SPACA1: variants seen among roughly 807,000 people sequenced by gnomAD.
The protein encoded by SPACA1 is sperm acrosome associated 1, also known as sperm acrosome membrane-associated protein 1.
A neutral mutation model predicts 32.6 loss-of-function variants in SPACA1; 17 were observed. That is an observed-to-expected ratio of 0.52 (90% confidence interval 0.36 to 0.78). The LOEUF (loss-of-function observed/expected upper bound fraction) is 0.78, where lower values mean the gene tolerates loss of function less well. Among genes scored for constraint, SPACA1 ranks in the 30% least tolerant of loss-of-function variants. The pLI, the probability that SPACA1 is intolerant of heterozygous loss-of-function variation, is 0.01. For missense variants in SPACA1, 363 were observed against 373.4 expected (o/e 0.97, Z 0.23); for synonymous variants, 140 against 138.1 (o/e 1.01, Z -0.10).
rs1418750668 is a variant in SPACA1 at position 88,048,000 on chromosome 6, T to C, written c.95T>C (p.Val32Ala). The C allele has an allele frequency of 6.3e-7, 1 of 1,583,490 alleles. No individual in the cohort carries two copies. The highest frequency in any genetic ancestry group is 1.9e-5 in the Admixed American group (1 of 53,726). The change falls in exon 1 of 7, where the codon GTC (valine) becomes GCC (alanine). Residue 32 changes from valine (V) to alanine (A), a missense_variant. Physicochemically the swap from Val to Ala is moderately conservative, Grantham distance 64. Coordinates refer to ENST00000237201, the MANE Select transcript of SPACA1 (RefSeq NM_030960.3). ...AGLQSARGTNVTAAVQDAGLA... is the reference protein window; with the variant it reads ...AGLQSARGTNATAAVQDAGLA... ...CTCCAGTCCGCGCGCGGGACCAACG[T>C]CACCGCTGCCGTCCAGGATGCCGGC...
At chr6:88,051,195 C>G (rs1163603633) in intron 1 of SPACA1, among the ~76,000 whole-genome samples, 5 of 151,618 alleles carry the variant, frequency 3.3e-5, no homozygotes, top group African/African-American at 1.2e-4. Context: ...TTTGTTATAC[C>G]TTGTATACCA....
At chr6:88,052,228 T>C (rs978513149) in intron 1 of SPACA1, among the ~76,000 whole-genome samples, 10 of 152,194 alleles carry the variant, frequency 6.6e-5, no homozygotes, top group Non-Finnish European at 1.5e-4. Context: ...GTCTCATTTT[T>C]TTTTTCTTTA....
chr6:88,061,432 GCACACACACA>G (rs71554769), intron 5 of SPACA1, among the ~76,000 whole-genome samples: 1 of 150,036 alleles, frequency 6.7e-6, no homozygotes, highest in Non-Finnish European at 1.5e-5. Context: ...ATGCTTGTGC[GCACACACACA>G]CACACACACA....
rs746820213 is a variant in SPACA1, at chr6:88,058,781, A to T, written c.433A>T (p.Asn145Tyr). The T allele has an allele frequency of 3.1e-6, 5 of 1,613,806 alleles. No individual in the cohort carries two copies. The highest frequency in any genetic ancestry group is 4.2e-6 in the Non-Finnish European group (5 of 1,179,810). ...RLACIHTSPL[N>Y]RFKYMWKLLR... ...GGCATGTATTCACACATCTCCCTTA[A>T]ATCGTTTCAAATATATGTGGAAACT... Residue 145 changes from asparagine to tyrosine, a missense_variant, in exon 4 of 7, where the codon AAT becomes TAT. Asn to Tyr is a moderately radical substitution (Grantham distance 143). Transcript: ENST00000237201.
At chr6:88,052,415 G>T (rs1182466496) in intron 1 of SPACA1, among the ~76,000 whole-genome samples, 2 of 152,114 alleles carry the variant, frequency 1.3e-5, no homozygotes, top group African/African-American at 4.8e-5. Context: ...TCTGTAGAAG[G>T]TATCTAAGCA....
chr6:88,065,579 A>G (rs1404894727), intron 6 of SPACA1, among the ~76,000 whole-genome samples: 1 of 150,638 alleles, frequency 6.6e-6, no homozygotes, highest in Non-Finnish European at 1.5e-5. Context: ...CATCATCACA[A>G]TGAATTGTCT....
Position 88,047,877 on chromosome 6 carries a change from G to A in SPACA1, c.-29G>A, listed in dbSNP as rs1352722702. The A allele has an allele frequency of 4.0e-6, 6 of 1,509,862 alleles. No homozygotes were observed. Among genetic ancestry groups the A allele is most frequent in the Non-Finnish European group, 4.4e-6 (5 of 1,126,488 alleles). The allele number at this position is 1,509,862 out of a possible 1,614,324, so 93.5% of individuals were successfully genotyped here. Reference sequence around the variant, plus strand: ...CCTCAGGAGCCGCGGCGGCGACTGCGCCTCGGACGGCCGTCGGGGCCGAGA... The same window carrying A: ...CCTCAGGAGCCGCGGCGGCGACTGCACCTCGGACGGCCGTCGGGGCCGAGA... On this transcript the variant is annotated 5_prime_UTR_variant, in exon 1 of 7. Transcript: ENST00000237201.
chr6:88,056,583 A>G (rs1175921095), intron 2 of SPACA1, among the ~76,000 whole-genome samples: 1 of 152,200 alleles, frequency 6.6e-6, no homozygotes, highest in Non-Finnish European at 1.5e-5. Flanking sequence ...CAAAATTTGC[A>G]TTTTAGTAAA....
chr6:88,058,971 A>G, intron 4 of SPACA1, 149 bp downstream of exon 4: 1 of 564,604 alleles, frequency 1.8e-6, no homozygotes, highest in Non-Finnish European at 3.0e-6. Context: ...TTGGAATTTT[A>G]AAATTTTCAT....
At chr6:88,059,343 A>G in intron 4 of SPACA1, 110 bp from the exon 5 acceptor site, 2 of 959,356 alleles carry the variant, frequency 2.1e-6, no homozygotes, top group Non-Finnish European at 3.0e-6. Flanking sequence ...TAATTACTCA[A>G]CTAGGCTAAG....
In SPACA1 at chr6:88,057,558, A is replaced by G. The variant is rs895628380; in HGVS notation, c.266-54A>G. 5 of 1,223,708 alleles carry G rather than the reference A, an allele frequency of 4.1e-6. No individual in the cohort carries two copies. The African/African-American group carries it at 7.5e-5, about 18-fold the overall frequency. The allele number at this position is 1,223,708 out of a possible 1,614,324, so 75.8% of individuals were successfully genotyped here. A position where few individuals can be genotyped will look rare whatever the true frequency, so the allele number is the denominator to read the frequency against. ...AAGACCTAGGTGGGAAAGTGAAGAC[A>G]CTCTGGAATCAGTTTTTTTCTTAAC... is the stretch of plus-strand genomic sequence containing the variant. On this transcript the variant is annotated intron_variant, in intron 2 of 6. Transcript: ENST00000237201.
intron 2 of SPACA1, among the ~76,000 whole-genome samples, chr6:88,056,138 C>G (rs1251552367): frequency 6.6e-6 from 1 of 152,052 alleles, no homozygotes; most frequent in Non-Finnish European, 1.5e-5. Flanking sequence ...GGCGGATCAC[C>G]AGGTCAGGAG....
chr6:88,064,689 C>T (rs563714267), intron 6 of SPACA1, among the ~76,000 whole-genome samples: 1 of 150,602 alleles, frequency 6.6e-6, no homozygotes, highest in South Asian at 2.1e-4. Context: ...ATAATGAATA[C>T]AAAGGCACTT....
chr6:88,049,793 C>T (rs1775702101), intron 1 of SPACA1, among the ~76,000 whole-genome samples: 1 of 152,114 alleles, frequency 6.6e-6, no homozygotes, highest in African/African-American at 2.4e-5. Flanking sequence ...TTGAATGCAA[C>T]TAAGTGCTCA....
intron 5 of SPACA1, among the ~76,000 whole-genome samples, chr6:88,060,690 G>C (rs538319313): frequency 1.3e-5 from 2 of 152,184 alleles, no homozygotes; most frequent in African/African-American, 2.4e-5. Flanking sequence ...CTCTAAAAAA[G>C]GCAAGAGAAT....
intron 1 of SPACA1, 85 bp from the exon 2 acceptor site, chr6:88,053,861 A>T (rs1195088935): frequency 8.9e-7 from 1 of 1,125,978 alleles, no homozygotes; most frequent in African/African-American, 1.6e-5. Flanking sequence ...TATCATACAC[A>T]TGTCTTTCAT....
At chr6:88,061,944 A>C (rs561946246) in intron 5 of SPACA1, among the ~76,000 whole-genome samples, 52 of 152,000 alleles carry the variant, frequency 3.4e-4, no homozygotes, top group Non-Finnish European at 6.6e-4. Context: ...CATGCCCCTC[A>C]CTCTCCACCC....
chr6:88,058,641 G>GA (rs926680752), intron 3 of SPACA1, 75 bp from the exon 4 acceptor site: 14,858 of 903,008 alleles, frequency 0.016, no homozygotes, highest in East Asian at 0.031. Flanking sequence ...CCTGTCTCAG[G>GA]AAAAAAAAAA....
At chr6:88,057,525 C>A (rs753093214) in intron 2 of SPACA1, 87 bp from the exon 3 acceptor site, 23 of 834,292 alleles carry the variant, frequency 2.8e-5, no homozygotes, top group Non-Finnish European at 4.2e-5. Flanking sequence ...GAAGAAAAGT[C>A]TTAAGAAAAG....
Sources: gnomAD v4.1 joint callset for allele counts (sites outside exome capture counted in the v4.1 genomes callset) on GRCh38, gnomAD v4.1.1 for gene constraint, MANE v1.5 for transcripts, NCBI Gene and HGNC (gene_info 2026-07-23, HGNC 2026-07-21) for gene names.